NRXN1: variants seen among roughly 807,000 people sequenced by gnomAD.
NRXN1 encodes neurexin 1.
A neutral mutation model predicts 150.9 loss-of-function variants in NRXN1; 39 were observed. The ratio of observed to expected loss-of-function variants is 0.26; its 90% CI spans 0.20 to 0.34. The LOEUF is 0.34. Among genes scored for constraint, NRXN1 ranks in the 10% least tolerant of loss-of-function variants. The pLI is 1.00. For synonymous variants in NRXN1, 924 were observed against 757.0 expected, an observed-to-expected ratio of 1.22 and a Z score of -3.62; for missense variants, 1,815 against 1,949.9, an observed-to-expected ratio of 0.93 and a Z score of 1.30.
Position 50,269,879 on chromosome 2 carries a change from G to C in NRXN1, c.3365-32909C>G, listed in dbSNP as rs182681320. 2.2e-3 allele frequency among the ~76,000 whole-genome samples: 341 copies of C among 152,170 alleles called. 2 individuals carry two copies. The highest frequency in any genetic ancestry group is 4.0e-3 in the Non-Finnish European group (274 of 68,010). On this transcript the variant is annotated intron_variant, in intron 17 of 22. Transcript: ENST00000401669. ...GACTCGTTCCTTAAATTTTACTCTA[G>C]TTTTTCTTTCTATTTCCCTCCATAA...
intron 12 of NRXN1, among the ~76,000 whole-genome samples, chr2:50,523,742 T>C (rs768094011): frequency 6.6e-6 from 1 of 152,230 alleles, no homozygotes; most frequent in Non-Finnish European, 1.5e-5. Context: ...GAAGTGTTTC[T>C]TCCCTATACC....
At chr2:50,606,809 G>A (rs1204687444) in intron 8 of NRXN1, among the ~76,000 whole-genome samples, 1 of 152,028 alleles carries the variant, frequency 6.6e-6, no homozygotes, top group Non-Finnish European at 1.5e-5. Context: ...AGGATCAGAA[G>A]TAATACTTAA....
At chr2:50,965,041 G>C (rs1693831127) in intron 2 of NRXN1, among the ~76,000 whole-genome samples, 1 of 151,368 alleles carries the variant, frequency 6.6e-6, no homozygotes, top group Non-Finnish European at 1.5e-5. Flanking sequence ...AAACAAATGA[G>C]ATAAGGATCT....
intron 5 of NRXN1, among the ~76,000 whole-genome samples, chr2:50,667,329 A>G (rs1688206037): frequency 6.6e-6 from 1 of 151,960 alleles, no homozygotes; most frequent in South Asian, 2.1e-4. Flanking sequence ...TTCTATTAAC[A>G]TTTAGTAAAG....
At position 50,194,338 on chromosome 2, in the gene NRXN1, T is replaced by A. The variant is rs115579306; in HGVS notation, c.3546+42451A>T. On this transcript the variant is annotated intron_variant, in intron 18 of 22. Coordinates refer to ENST00000401669, the MANE Select transcript of NRXN1 (RefSeq NM_001330078.2). ...AAACAGAAGATTCTGGCTATTTATA[T>A]GAGCATTCTCTTAATGCTTTACTAT... 8.4e-3 allele frequency among the ~76,000 whole-genome samples: 1,275 copies of A among 152,290 alleles called. 25 individuals carry two copies. The highest frequency in any genetic ancestry group is 0.029 in the African/African-American group (1,208 of 41,574).
intron 19 of NRXN1, among the ~76,000 whole-genome samples, chr2:50,079,127 A>G (rs898275716): frequency 1.3e-5 from 2 of 151,858 alleles, no homozygotes; most frequent in Non-Finnish European, 2.9e-5. Context: ...TTATATCTCT[A>G]TGGGTTCATA....
chr2:50,493,113 T>C (rs1299557781), intron 15 of NRXN1, among the ~76,000 whole-genome samples: 1 of 152,210 alleles, frequency 6.6e-6, no homozygotes, highest in Non-Finnish European at 1.5e-5. Flanking sequence ...AAATCTGATG[T>C]TTTCTTTAAT....
chr2:50,520,739 AT>A (rs1053928961), intron 12 of NRXN1, among the ~76,000 whole-genome samples: 1 of 151,972 alleles, frequency 6.6e-6, no homozygotes, highest in African/African-American at 2.4e-5. Flanking sequence ...AACAGAATTT[AT>A]TTTATGGGGT....
Position 50,531,206 on chromosome 2 carries a change from TG to T in NRXN1, c.2347+20del. Reference sequence around the variant, plus strand: ...AAAAAGTAAAAAAGTGTTAGTTCAATGGGGGAAGGCAGGTTGTTACCTAGAT... The same window carrying T: ...AAAAAGTAAAAAAGTGTTAGTTCAATGGGGAAGGCAGGTTGTTACCTAGAT... On this transcript the variant is annotated intron_variant, in intron 11 of 22. Coordinates refer to ENST00000401669, the MANE Select transcript of NRXN1 (RefSeq NM_001330078.2). The T allele has an allele frequency of 6.3e-7, 1 of 1,598,820 alleles. No individual in the cohort carries two copies.
intron 17 of NRXN1, among the ~76,000 whole-genome samples, chr2:50,259,229 A>G (rs2068012920): frequency 6.6e-6 from 1 of 151,958 alleles, no homozygotes; most frequent in Non-Finnish European, 1.5e-5. Flanking sequence ...TGTTTTGTCT[A>G]CACTGAAAAT....
chr2:50,236,471 A>C (rs2152878760), intron 18 of NRXN1, among the ~76,000 whole-genome samples: 1 of 152,070 alleles, frequency 6.6e-6, no homozygotes, highest in Non-Finnish European at 1.5e-5. Flanking sequence ...TCTACTAGGC[A>C]ATAACTTATT....
rs1668008474 is a variant in NRXN1, at chr2:49,920,527, A to T, written c.*1417T>A. The T allele has an allele frequency of 6.6e-6, 1 of 152,548 alleles. No individual in the cohort carries two copies. The highest frequency in any genetic ancestry group is 2.4e-5 in the African/African-American group (1 of 41,424). The allele number at this position is 152,548 out of a possible 1,614,324, so 9.4% of individuals were successfully genotyped here. A position where few individuals can be genotyped will look rare whatever the true frequency, so the allele number is the denominator to read the frequency against. On this transcript the variant is annotated 3_prime_UTR_variant, in exon 23 of 23. Transcript: ENST00000401669. The stretch of plus-strand genomic sequence containing the variant: ...AAAGGTTCATTTCTTTAGGGACTAA[A>T]ATCTTCTTAAGGTTACCTGGGAGCA...
intron 5 of NRXN1, among the ~76,000 whole-genome samples, chr2:50,652,608 T>C (rs1307838137): frequency 3.9e-5 from 6 of 152,080 alleles, no homozygotes; most frequent in Non-Finnish European, 7.4e-5. Context: ...TGCACATCTG[T>C]GCTATTTCTA....
chr2:50,283,108 C>G (rs2071674392), intron 17 of NRXN1, among the ~76,000 whole-genome samples: 1 of 152,098 alleles, frequency 6.6e-6, no homozygotes, highest in African/African-American at 2.4e-5. Context: ...TTGTCAAGCT[C>G]CCATGCCTCC....
intron 2 of NRXN1, among the ~76,000 whole-genome samples, chr2:50,949,230 G>A (rs1690890299): frequency 6.6e-6 from 1 of 151,792 alleles, no homozygotes; most frequent in South Asian, 2.1e-4. Context: ...CAAAAGAAAG[G>A]GAAAACATTC....
chr2:49,959,253 A>G (rs1675499107), intron 21 of NRXN1, among the ~76,000 whole-genome samples: 1 of 152,136 alleles, frequency 6.6e-6, no homozygotes, highest in African/African-American at 2.4e-5. Flanking sequence ...GAGGGAGGGA[A>G]ATGAAGATGA....
intron 17 of NRXN1, among the ~76,000 whole-genome samples, chr2:50,454,664 T>TCACACACA (rs3052512): frequency 0.026 from 3,626 of 140,760 alleles, 78 homozygotes; most frequent in African/African-American, 0.046. Flanking sequence ...TGGGCAAAGA[T>TCACACACA]CACACACACA....
intron 5 of NRXN1, among the ~76,000 whole-genome samples, chr2:50,887,882 C>G (rs1680487016): frequency 6.7e-6 from 1 of 149,792 alleles, no homozygotes; most frequent in Non-Finnish European, 1.5e-5. Context: ...TTGTTGACAC[C>G]AAGACTCATA....
chr2:50,086,723 T>C (rs2152691250), intron 19 of NRXN1, among the ~76,000 whole-genome samples: 1 of 152,220 alleles, frequency 6.6e-6, no homozygotes, highest in African/African-American at 2.4e-5. Context: ...CTGGTTTCCA[T>C]TTCATTGGTA....
Sources: allele counts gnomAD v4.1 joint callset (sites outside exome capture counted in the v4.1 genomes callset), GRCh38; gene constraint gnomAD v4.1.1; transcripts MANE v1.5; gene names NCBI Gene and HGNC (gene_info 2026-07-23, HGNC 2026-07-21).